Variants in MTMR6 observed in about 807,000 individuals in gnomAD.
The protein encoded by MTMR6 is myotubularin related protein 6.
A neutral mutation model predicts 80.1 loss-of-function variants in MTMR6; 47 were observed. That is an observed-to-expected ratio of 0.59 (90% confidence interval 0.46 to 0.75). The LOEUF (loss-of-function observed/expected upper bound fraction) is 0.75, where lower values mean the gene tolerates loss of function less well. Ranked by LOEUF, MTMR6 falls within the 30% of genes least tolerant of loss-of-function variation. The probability of loss-of-function intolerance (pLI) is 0.00; values close to 1 mark genes in which losing one functional copy is unlikely to be tolerated. For synonymous variants in MTMR6, 254 were observed against 253.0 expected (o/e 1.00, Z -0.04); for missense variants, 629 against 730.9 (o/e 0.86, Z 1.61).
rs866962740 is a variant in MTMR6 at position 25,251,070 on chromosome 13, G to A, written c.1605+579C>T. 6.6e-6 allele frequency among the ~76,000 whole-genome samples: 1 copy of A among 152,078 alleles called. No homozygotes were observed. The highest frequency in any genetic ancestry group is 1.5e-5 in the Non-Finnish European group (1 of 68,012). On this transcript the variant is annotated intron_variant, in intron 13 of 13. Transcript: ENST00000381801. The surrounding 1 kb of genome is among the most constrained non-coding windows in gnomAD (Gnocchi z 4.1). ...CTTGCTCTGTCACCCAGGCTGGAGT[G>A]CAGAGGCATGATCTTGGCTCACTGC...
At chr13:25,255,564 C>T (rs1957183486) in intron 9 of MTMR6, among the ~76,000 whole-genome samples, 1 of 152,056 alleles carries the variant, frequency 6.6e-6, no homozygotes, top group Non-Finnish European at 1.5e-5. Context: ...CACTCTGTTG[C>T]CCAGGCTGGA....
At chr13:25,282,968 T>C (rs1289439764) in intron 1 of MTMR6, among the ~76,000 whole-genome samples, 1 of 152,000 alleles carries the variant, frequency 6.6e-6, no homozygotes, top group East Asian at 1.9e-4. Context: ...TCTCCTTGCA[T>C]AAACTCATTC....
chr13:25,253,977 A>AG lies in MTMR6; in HGVS notation c.1146-14_1146-13insC. Reference sequence around the variant, plus strand: ...CAACTGGCCACACCTAACCCCACAGAAAGTATAAGCTTTTAAAAACACCTC... The same window carrying AG: ...CAACTGGCCACACCTAACCCCACAGAGAAGTATAAGCTTTTAAAAACACCTC... On this transcript the variant is annotated splice_polypyrimidine_tract_variant and intron_variant, in intron 10 of 13. Transcript: ENST00000381801. 6.2e-7 allele frequency: 1 copy of AG among 1,613,678 alleles called. No individual in the cohort carries two copies.
intron 1 of MTMR6, among the ~76,000 whole-genome samples, chr13:25,281,440 A>ATCTTTTCTAT: frequency 1.3e-5 from 2 of 152,220 alleles, no homozygotes; most frequent in South Asian, 4.2e-4. Context: ...AGAAAAGAAA[A>ATCTTTTCTAT]AAAAGAAGAA....
intron 1 of MTMR6, among the ~76,000 whole-genome samples, chr13:25,282,020 G>A (rs1957860168): frequency 6.6e-6 from 1 of 152,184 alleles, no homozygotes; most frequent in Non-Finnish European, 1.5e-5. Context: ...CAAGACTACA[G>A]TAACTTGCCC....
At position 25,251,301 on chromosome 13, in the gene MTMR6, G is replaced by A. The variant is rs564972564; in HGVS notation, c.1605+348C>T. The stretch of plus-strand genomic sequence containing the variant: ...CTCCCAAAGTGCTGGGATTACAGGC[G>A]TGAGCCACTGCGCCCGGCCTATGTT... On this transcript the variant is annotated intron_variant, in intron 13 of 13. Coordinates refer to ENST00000381801, the MANE Select transcript of MTMR6 (RefSeq NM_004685.5). This position sits in a 1 kb window ranked among gnomAD's most constrained non-coding sequence, Gnocchi z 4.1. Among the ~76,000 whole-genome samples the A allele has an allele frequency of 2.2e-4, 34 of 152,258 alleles. No individual in the cohort carries two copies. Among genetic ancestry groups the A allele is most frequent in the East Asian group, 1.9e-4 (1 of 5,182 alleles).
chr13:25,261,182 G>T (rs1233694869), intron 6 of MTMR6, among the ~76,000 whole-genome samples: 1 of 151,140 alleles, frequency 6.6e-6, no homozygotes, highest in Non-Finnish European at 1.5e-5. Context: ...GGTGGTACGT[G>T]CCTGTAATAC....
At chr13:25,255,366 T>C (rs1372773247) in intron 9 of MTMR6, among the ~76,000 whole-genome samples, 1 of 152,222 alleles carries the variant, frequency 6.6e-6, no homozygotes, top group African/African-American at 2.4e-5. Context: ...CATAACTCAA[T>C]ATCTTTCTCA....
At chr13:25,262,540 G>A (rs1283000760) in intron 5 of MTMR6, among the ~76,000 whole-genome samples, 1 of 151,980 alleles carries the variant, frequency 6.6e-6, no homozygotes, top group African/African-American at 2.4e-5. Context: ...ACTAATTTTT[G>A]TATTTTTTGT....
chr13:25,260,687 G>T (rs756893637), intron 6 of MTMR6: 3 of 1,253,338 alleles, frequency 2.4e-6, no homozygotes, highest in Non-Finnish European at 2.1e-6. Flanking sequence ...TGCATGCGAC[G>T]CTATAACAAA....
chr13:25,277,211 T>C (rs191725251), intron 1 of MTMR6, among the ~76,000 whole-genome samples: 2 of 152,310 alleles, frequency 1.3e-5, no homozygotes, highest in East Asian at 3.9e-4. Context: ...TCCTATGACT[T>C]CTTCTCAACC....
chr13:25,274,490 T>C (rs578183804), intron 1 of MTMR6, among the ~76,000 whole-genome samples: 4 of 151,884 alleles, frequency 2.6e-5, no homozygotes, highest in African/African-American at 4.8e-5. Flanking sequence ...ACATTTTTCA[T>C]ACCCAAGAGT....
At chr13:25,258,230 G>C (rs1204645584) in intron 7 of MTMR6, among the ~76,000 whole-genome samples, 4 of 151,940 alleles carry the variant, frequency 2.6e-5, no homozygotes, top group Non-Finnish European at 5.9e-5. Flanking sequence ...CATTAGAATT[G>C]TACTGTCTAA....
chr13:25,261,867 C>A, intron 5 of MTMR6, 65 bp from the exon 6 acceptor site: 8 of 1,442,820 alleles, frequency 5.5e-6, no homozygotes, highest in Admixed American at 2.5e-5. Flanking sequence ...AAGATGCTTA[C>A]AAGAAAAAAA....
intron 1 of MTMR6, among the ~76,000 whole-genome samples, chr13:25,275,754 G>C (rs566425561): frequency 2.0e-5 from 3 of 151,100 alleles, no homozygotes; most frequent in Non-Finnish European, 4.4e-5. Flanking sequence ...CTAGCTACTC[G>C]GGAGGCTGAG....
intron 1 of MTMR6, among the ~76,000 whole-genome samples, chr13:25,277,416 G>A (rs1276612643): frequency 4.6e-5 from 7 of 152,182 alleles, no homozygotes; most frequent in African/African-American, 1.4e-4. Flanking sequence ...ATCTCCTAAC[G>A]GTTAGTAGAG....
intron 2 of MTMR6, among the ~76,000 whole-genome samples, chr13:25,268,255 C>T (rs1343606147): frequency 1.3e-5 from 2 of 152,204 alleles, no homozygotes; most frequent in Non-Finnish European, 2.9e-5. Context: ...CACTGTTTCT[C>T]ACCTGAACTA....
chr13:25,249,501 A>C lies in MTMR6; in HGVS notation c.1606-9T>G. ...TTGCGTTGTTTAATTTTCTAGAACA[A>C]ACACAAATTTGAAAAAATTACTAAT... is the stretch of plus-strand genomic sequence containing the variant. On this transcript the variant is annotated splice_polypyrimidine_tract_variant and intron_variant, in intron 13 of 13. Transcript: ENST00000381801. 1 of 1,605,476 alleles carries C rather than the reference A, an allele frequency of 6.2e-7. No homozygotes were observed. Among genetic ancestry groups the C allele is most frequent in the East Asian group, 2.2e-5 (1 of 44,738 alleles).
At chr13:25,256,964 G>A (rs1347783305) in intron 9 of MTMR6, among the ~76,000 whole-genome samples, 3 of 152,082 alleles carry the variant, frequency 2.0e-5, no homozygotes, top group East Asian at 1.9e-4. Flanking sequence ...TTTCAACCTC[G>A]ACAGTACTGA....
Sources: allele counts gnomAD v4.1 joint callset (sites outside exome capture counted in the v4.1 genomes callset), GRCh38; gene constraint gnomAD v4.1.1; non-coding constraint Gnocchi (gnomAD v3.1); transcripts MANE v1.5; gene names NCBI Gene and HGNC (gene_info 2026-07-23, HGNC 2026-07-21).